Variants in SV2C observed in about 807,000 individuals in gnomAD.
The protein encoded by SV2C is solute carrier family 22 member B3.
Under a neutral mutation model 79.7 loss-of-function variants are expected in SV2C, and 49 were observed. The ratio of observed to expected loss-of-function variants is 0.61; its 90% CI spans 0.49 to 0.78. SV2C has a LOEUF of 0.78. Ranked by LOEUF, SV2C falls within the 30% of genes least tolerant of loss-of-function variation. SV2C has a pLI of 0.00. For missense variants in SV2C, 833 were observed against 912.9 expected (o/e 0.91, Z 1.13); for synonymous variants, 334 against 333.2 (o/e 1.00, Z -0.03).
chr5:76,275,498 A>C (rs1313693217), intron 4 of SV2C, among the ~76,000 whole-genome samples: 1 of 151,960 alleles, frequency 6.6e-6, no homozygotes, highest in Non-Finnish European at 1.5e-5. Flanking sequence ...AAAAAAAAAA[A>C]AACGAACACA....
the SV2C span, among the ~76,000 whole-genome samples, chr5:75,874,518 C>G: frequency 1.3e-5 from 2 of 152,178 alleles, no homozygotes; most frequent in African/African-American, 4.8e-5. Context: ...CCCTCTCTCA[C>G]CACTTCTATT....
At chr5:76,105,514 T>C (rs1238613519) in intron 1 of SV2C, among the ~76,000 whole-genome samples, 1 of 152,124 alleles carries the variant, frequency 6.6e-6, no homozygotes, top group African/African-American at 2.4e-5. Flanking sequence ...GAGTTTCAGC[T>C]CTGTAGGGCC....
rs1165981425 is a variant in SV2C at position 76,327,816 on chromosome 5, C to T, written c.*2269C>T. The T allele has an allele frequency of 6.6e-6, 1 of 152,208 alleles. No individual in the cohort carries two copies. The highest frequency in any genetic ancestry group is 1.5e-5 in the Non-Finnish European group (1 of 68,038). The allele number at this position is 152,208 out of a possible 1,614,324, so 9.4% of individuals were successfully genotyped here. A position where few individuals can be genotyped will look rare whatever the true frequency, so the allele number is the denominator to read the frequency against. On this transcript the variant is annotated 3_prime_UTR_variant, in exon 13 of 13. Transcript: ENST00000502798. ...ATAAAACATCTCCCAAGCTGCAGAG[C>T]ACAGTTATTCAGAATTTTATTTGAA... is the stretch of plus-strand genomic sequence containing the variant.
At chr5:76,117,237 C>T (rs970021955) in intron 1 of SV2C, among the ~76,000 whole-genome samples, 1 of 152,044 alleles carries the variant, frequency 6.6e-6, no homozygotes, top group Non-Finnish European at 1.5e-5. Flanking sequence ...AAACTATATG[C>T]AAATATAAAA....
chr5:75,936,881 C>T, the SV2C span, among the ~76,000 whole-genome samples: 1 of 152,190 alleles, frequency 6.6e-6, no homozygotes, highest in Non-Finnish European at 1.5e-5. Flanking sequence ...TAATCTAGAA[C>T]TATGCTATCA....
At chr5:76,053,969 TTTG>T in the SV2C span, among the ~76,000 whole-genome samples, 9 of 151,728 alleles carry the variant, frequency 5.9e-5, no homozygotes, top group South Asian at 1.7e-3. Context: ...TTAAAGTAAG[TTTG>T]TTGTTGTTGT....
intron 12 of SV2C, among the ~76,000 whole-genome samples, chr5:76,319,852 A>C (rs976629686): frequency 1.3e-5 from 2 of 152,206 alleles, no homozygotes; most frequent in African/African-American, 2.4e-5. Context: ...GTTACTCTGC[A>C]GTTTCAGCAT....
intron 2 of SV2C, among the ~76,000 whole-genome samples, chr5:76,186,937 G>A (rs773924405): frequency 6.6e-6 from 1 of 152,154 alleles, no homozygotes; most frequent in Non-Finnish European, 1.5e-5. Flanking sequence ...CTTGACACAT[G>A]GGGATTATTA....
chr5:75,932,774 A>G, the SV2C span, among the ~76,000 whole-genome samples: 1 of 152,226 alleles, frequency 6.6e-6, no homozygotes, highest in Non-Finnish European at 1.5e-5. Flanking sequence ...GATAGCCGTC[A>G]TGAGCATGTC....
At chr5:76,088,187 G>C (rs1206360601) in intron 1 of SV2C, among the ~76,000 whole-genome samples, 2 of 152,136 alleles carry the variant, frequency 1.3e-5, no homozygotes, top group Admixed American at 1.3e-4. Context: ...CAGCCTCTAA[G>C]CCTCTGTTAT....
At chr5:76,014,649 C>A in the SV2C span, among the ~76,000 whole-genome samples, 1 of 152,126 alleles carries the variant, frequency 6.6e-6, no homozygotes, top group African/African-American at 2.4e-5. Flanking sequence ...CTGCCACACA[C>A]ACACATGTGC....
intron 1 of SV2C, among the ~76,000 whole-genome samples, chr5:76,120,518 T>G: frequency 1.6e-5 from 1 of 63,084 alleles, no homozygotes; most frequent in South Asian, 6.9e-4. Flanking sequence ...CCCTCCCCCC[T>G]CCCCCCACCC....
At chr5:75,932,201 C>T in the SV2C span, among the ~76,000 whole-genome samples, 19 of 152,294 alleles carry the variant, frequency 1.2e-4, no homozygotes, top group African/African-American at 4.6e-4. Context: ...TCCTTCTTCC[C>T]GGGGAGCCCT....
chr5:76,271,654 A>T (rs2112474162), intron 4 of SV2C, among the ~76,000 whole-genome samples: 1 of 123,804 alleles, frequency 8.1e-6, no homozygotes, highest in East Asian at 2.4e-4. Context: ...TTTTTAGTAG[A>T]GACAGGGTTT....
chr5:75,999,104 C>T, the SV2C span, among the ~76,000 whole-genome samples: 37 of 152,092 alleles, frequency 2.4e-4, no homozygotes, highest in East Asian at 5.1e-3. Context: ...TTTTTAAAAG[C>T]GTCAGATCTC....
intron 1 of SV2C, among the ~76,000 whole-genome samples, chr5:76,110,556 C>G (rs1399575972): frequency 6.6e-6 from 1 of 152,204 alleles, no homozygotes; most frequent in Non-Finnish European, 1.5e-5. Context: ...GTCGGACAAT[C>G]GAGAGAAGTC....
the SV2C span, among the ~76,000 whole-genome samples, chr5:75,993,230 G>C: frequency 6.6e-6 from 1 of 151,948 alleles, no homozygotes; most frequent in Non-Finnish European, 1.5e-5. Context: ...ATAACCAAAA[G>C]TAAGAGAGTT....
the SV2C span, among the ~76,000 whole-genome samples, chr5:75,892,824 T>C: frequency 0.062 from 9,386 of 152,130 alleles, 345 homozygotes; most frequent in Admixed American, 0.084. Context: ...CAATCCACCA[T>C]TCATGGACAC....
At position 76,319,238 on chromosome 5, in the gene SV2C, T is replaced by C. The variant is rs144579342; in HGVS notation, c.2001-6126T>C. ...ACACCCTGGGCAACATGGTGAAACC[T>C]GCATCTCTACAAAAAAAAAAAACAC... On this transcript the variant is annotated intron_variant, in intron 12 of 12. Transcript: ENST00000502798. 9.1e-3 allele frequency among the ~76,000 whole-genome samples: 1,234 copies of C among 135,468 alleles called. 12 individuals carry two copies. Among genetic ancestry groups the C allele is most frequent in the African/African-American group, 0.03 (1,000 of 33,820 alleles). The allele number at this position is 135,468 out of a possible 152,430, so 88.9% of individuals were successfully genotyped here.
Sources: gnomAD v4.1 joint callset for allele counts (sites outside exome capture counted in the v4.1 genomes callset) on GRCh38, gnomAD v4.1.1 for gene constraint, MANE v1.5 for transcripts, NCBI Gene and HGNC (gene_info 2026-07-23, HGNC 2026-07-21) for gene names.